The following CPQ variants were observed in gnomAD, a reference collection of about 807,000 sequenced individuals.
The protein encoded by CPQ is Ser-Met dipeptidase.
In CPQ, 37 loss-of-function variants were observed where a neutral mutation model predicts 45.7. The ratio of observed to expected loss-of-function variants is 0.81; its 90% CI spans 0.62 to 1.07. The LOEUF is 1.07. CPQ is among the 50% of genes least tolerant of loss of function. The probability of loss-of-function intolerance (pLI) is 0.00; values close to 1 mark genes in which losing one functional copy is unlikely to be tolerated. For synonymous variants in CPQ, 186 were observed against 205.8 expected, an observed-to-expected ratio of 0.90 and a Z score of 0.82; for missense variants, 537 against 572.9, an observed-to-expected ratio of 0.94 and a Z score of 0.64.
chr8:96,816,071 T>C lies in CPQ; in HGVS notation c.434-18902T>C, dbSNP rs909180453. Reference sequence around the variant, plus strand: ...AAGACAACAATGAAGTTTGCTGCAATGAATGATATTTCTTTCATGAAAGAT... The same window carrying C: ...AAGACAACAATGAAGTTTGCTGCAACGAATGATATTTCTTTCATGAAAGAT... On this transcript the variant is annotated intron_variant, in intron 2 of 7. Coordinates refer to ENST00000220763, the MANE Select transcript of CPQ (RefSeq NM_016134.4). Among the ~76,000 whole-genome samples the C allele has an allele frequency of 2.6e-5, 4 of 152,128 alleles. No individual in the cohort carries two copies. The South Asian group carries it at 8.3e-4, about 31-fold the overall frequency.
chr8:96,715,466 C>T (rs1262753048), intron 1 of CPQ, among the ~76,000 whole-genome samples: 2 of 152,164 alleles, frequency 1.3e-5, no homozygotes, highest in African/African-American at 4.8e-5. Flanking sequence ...GGGCACTCCT[C>T]CTGTGAGGAA....
chr8:97,047,721 T>C (rs2513335), intron 6 of CPQ, among the ~76,000 whole-genome samples: 89,945 of 152,046 alleles, frequency 0.59, 29,061 homozygotes, highest in Non-Finnish European at 0.73. Flanking sequence ...GGTAAAGTTT[T>C]AGCTAAACAA....
At chr8:96,685,682 T>C (rs1329192092) in intron 1 of CPQ, among the ~76,000 whole-genome samples, 1 of 152,146 alleles carries the variant, frequency 6.6e-6, no homozygotes, top group East Asian at 1.9e-4. Flanking sequence ...TTGTGTTCTT[T>C]TTCAGAATGT....
chr8:96,792,047 T>G (rs965761865), intron 2 of CPQ, among the ~76,000 whole-genome samples: 4 of 152,320 alleles, frequency 2.6e-5, no homozygotes, highest in African/African-American at 9.6e-5. Context: ...ATTCTAGACT[T>G]GAATATTACA....
At chr8:96,907,268 T>A (rs950618430) in intron 4 of CPQ, among the ~76,000 whole-genome samples, 3 of 152,150 alleles carry the variant, frequency 2.0e-5, no homozygotes, top group African/African-American at 7.2e-5. Context: ...CCTTCTATCT[T>A]GTTGCCCTGC....
At chr8:97,124,794 G>A (rs1586553615) in intron 7 of CPQ, among the ~76,000 whole-genome samples, 1 of 152,174 alleles carries the variant, frequency 6.6e-6, no homozygotes, top group East Asian at 1.9e-4. Context: ...AGATGGAAAT[G>A]TGTAGGTTAA....
At chr8:97,032,759 TCA>T (rs557350639) in intron 6 of CPQ, among the ~76,000 whole-genome samples, 45 of 152,124 alleles carry the variant, frequency 3.0e-4, no homozygotes, top group South Asian at 1.7e-3. Flanking sequence ...AGAAAAGGAG[TCA>T]CAGTCTTTGA....
chr8:96,838,733 C>T lies in CPQ; in HGVS notation c.641+3553C>T, dbSNP rs189532000. ...ATGGTAATAACTTAGGAAATGTCTA[C>T]GGAAGGAATGAATTTGTCTGAGGAT... On this transcript the variant is annotated intron_variant, in intron 3 of 7. Transcript: ENST00000220763. 1.3e-4 allele frequency among the ~76,000 whole-genome samples: 19 copies of T among 151,990 alleles called. No individual in the cohort carries two copies. In the East Asian group the frequency reaches 3.3e-3, roughly 26 times the overall value.
intron 5 of CPQ, among the ~76,000 whole-genome samples, chr8:97,021,269 C>A (rs1160726945): frequency 2.6e-5 from 4 of 152,144 alleles, no homozygotes; most frequent in Non-Finnish European, 2.9e-5. Context: ...CAACATAATA[C>A]TGAATGGGGA....
intron 1 of CPQ, among the ~76,000 whole-genome samples, chr8:96,655,739 A>G (rs751635287): frequency 6.6e-6 from 1 of 152,240 alleles, no homozygotes; most frequent in Non-Finnish European, 1.5e-5. Flanking sequence ...TTGAACCATC[A>G]TAAGTGCAGA....
intron 5 of CPQ, among the ~76,000 whole-genome samples, chr8:96,981,744 A>G (rs949423910): frequency 1.3e-5 from 2 of 152,216 alleles, no homozygotes; most frequent in African/African-American, 4.8e-5. Context: ...AGAAAGCCCC[A>G]TGTCCTATAT....
At chr8:96,918,363 T>A (rs1163219584) in intron 4 of CPQ, among the ~76,000 whole-genome samples, 2 of 152,150 alleles carry the variant, frequency 1.3e-5, no homozygotes, top group Non-Finnish European at 2.9e-5. Context: ...ACATAGTTAT[T>A]TCACATTTTT....
chr8:96,943,049 C>T (rs993839018), intron 4 of CPQ, among the ~76,000 whole-genome samples: 6 of 152,110 alleles, frequency 3.9e-5, no homozygotes, highest in Admixed American at 6.6e-5. Context: ...TTCTAGAAGG[C>T]TCCCACTGGA....
At chr8:97,029,750 A>AT (rs1052627344) in intron 6 of CPQ, among the ~76,000 whole-genome samples, 1 of 151,888 alleles carries the variant, frequency 6.6e-6, no homozygotes, top group African/African-American at 2.4e-5. Context: ...CCATGCTGCC[A>AT]TTTTTTTCAA....
At chr8:96,931,334 A>G (rs933210038) in intron 4 of CPQ, among the ~76,000 whole-genome samples, 1 of 152,208 alleles carries the variant, frequency 6.6e-6, no homozygotes, top group African/African-American at 2.4e-5. Flanking sequence ...TATAAAAAGA[A>G]GTTTTGGCAA....
chr8:96,815,110 ACT>A (rs913436703), intron 2 of CPQ, among the ~76,000 whole-genome samples: 2 of 152,060 alleles, frequency 1.3e-5, no homozygotes, highest in African/African-American at 4.8e-5. Flanking sequence ...TGGCTGCATA[ACT>A]CTGTGAAATA....
At chr8:97,124,237 A>G (rs1811807212) in intron 7 of CPQ, among the ~76,000 whole-genome samples, 1 of 150,878 alleles carries the variant, frequency 6.6e-6, no homozygotes, top group African/African-American at 2.4e-5. Context: ...AAAAAAAAAA[A>G]AAAAAAAAAA....
At chr8:97,137,855 C>G (rs1419831278) in intron 7 of CPQ, among the ~76,000 whole-genome samples, 1 of 151,870 alleles carries the variant, frequency 6.6e-6, no homozygotes, top group Non-Finnish European at 1.5e-5. Flanking sequence ...CGCCACTGCA[C>G]TCCAGCCTGG....
At chr8:96,662,882 A>G (rs1808850810) in intron 1 of CPQ, among the ~76,000 whole-genome samples, 1 of 152,102 alleles carries the variant, frequency 6.6e-6, no homozygotes, top group African/African-American at 2.4e-5. Flanking sequence ...CAGCTACTTG[A>G]GAGGCTGAGG....
Sources: allele counts gnomAD v4.1 joint callset (sites outside exome capture counted in the v4.1 genomes callset), GRCh38; gene constraint gnomAD v4.1.1; transcripts MANE v1.5; gene names NCBI Gene and HGNC (gene_info 2026-07-23, HGNC 2026-07-21).